The following SLC10A7 variants were observed in gnomAD, a reference collection of about 807,000 sequenced individuals.
The protein encoded by SLC10A7 is sodium/bile acid cotransporter 7.
Under a neutral mutation model 43.2 loss-of-function variants are expected in SLC10A7, and 29 were observed. The observed-to-expected ratio is 0.67, with a 90% CI of 0.50 to 0.92. The LOEUF is 0.92. Ranked by LOEUF, SLC10A7 falls within the 40% of genes least tolerant of loss-of-function variation. The pLI, the probability that SLC10A7 is intolerant of heterozygous loss-of-function variation, is 0.00. For synonymous variants in SLC10A7, 152 were observed against 144.8 expected, an observed-to-expected ratio of 1.05 and a Z score of -0.35; for missense variants, 295 against 403.2, an observed-to-expected ratio of 0.73 and a Z score of 2.30.
intron 2 of SLC10A7, among the ~76,000 whole-genome samples, chr4:146,511,432 A>G (rs1214076966): frequency 2.0e-5 from 3 of 152,252 alleles, no homozygotes; most frequent in African/African-American, 7.2e-5. Flanking sequence ...ATAGAACTGC[A>G]ATGGCCCCTT....
intron 5 of SLC10A7, among the ~76,000 whole-genome samples, chr4:146,394,616 C>A (rs573861268): frequency 1.3e-5 from 2 of 152,292 alleles, no homozygotes; most frequent in Admixed American, 1.3e-4. Context: ...TCCGCCTCGG[C>A]CTCCCAAAGT....
rs757860052 is a variant in SLC10A7 at position 146,374,060 on chromosome 4, G to T, written c.436-48064C>A. Among the ~76,000 whole-genome samples the T allele has an allele frequency of 6.6e-5, 10 of 152,208 alleles. No individual in the cohort carries two copies. The South Asian group carries it at 1.0e-3, about 16-fold the overall frequency. Reference sequence around the variant, plus strand: ...CTCCTAGGAAAATGGGCAAACTGGAGTGCTATTCATTGGCCTCAGATTGGA... The same window carrying T: ...CTCCTAGGAAAATGGGCAAACTGGATTGCTATTCATTGGCCTCAGATTGGA... On this transcript the variant is annotated intron_variant, in intron 5 of 11. Coordinates refer to ENST00000335472, the MANE Select transcript of SLC10A7 (RefSeq NM_001029998.6).
intron 6 of SLC10A7, among the ~76,000 whole-genome samples, chr4:146,306,330 C>G (rs1268580734): frequency 2.0e-5 from 3 of 152,090 alleles, no homozygotes; most frequent in African/African-American, 7.2e-5. Flanking sequence ...TCAACAATTA[C>G]AGGTTATGTG....
chr4:146,323,124 T>C (rs1162676462), intron 6 of SLC10A7, among the ~76,000 whole-genome samples: 2 of 152,238 alleles, frequency 1.3e-5, no homozygotes, highest in Admixed American at 6.5e-5. Context: ...TTGCCCCTTG[T>C]CAGATGAGTA....
chr4:146,273,489 T>G (rs962910475), intron 10 of SLC10A7, among the ~76,000 whole-genome samples: 3 of 152,108 alleles, frequency 2.0e-5, no homozygotes, highest in Non-Finnish European at 4.4e-5. Flanking sequence ...CTGACTCAAA[T>G]GAGGTTAAAA....
At chr4:146,401,292 C>T (rs1040148722) in intron 5 of SLC10A7, among the ~76,000 whole-genome samples, 1 of 152,178 alleles carries the variant, frequency 6.6e-6, no homozygotes, top group African/African-American at 2.4e-5. Context: ...TACCCACTGT[C>T]CTCCCCAAAT....
At chr4:146,344,211 A>T (rs953087953) in intron 5 of SLC10A7, among the ~76,000 whole-genome samples, 5 of 152,032 alleles carry the variant, frequency 3.3e-5, no homozygotes, top group African/African-American at 1.2e-4. Context: ...CTATGCAGAA[A>T]TCACAGTTTA....
intron 4 of SLC10A7, among the ~76,000 whole-genome samples, chr4:146,499,043 AAAAC>A (rs1736173533): frequency 6.6e-6 from 1 of 152,246 alleles, no homozygotes; most frequent in South Asian, 2.1e-4. Context: ...CAAATCATTA[AAAAC>A]AAATATGCTA....
intron 10 of SLC10A7, among the ~76,000 whole-genome samples, chr4:146,267,976 C>T (rs900726936): frequency 1.3e-5 from 2 of 152,086 alleles, no homozygotes; most frequent in African/African-American, 4.8e-5. Flanking sequence ...TAGTTTCCAA[C>T]CTCTGAAGCC....
At chr4:146,420,367 C>G (rs1310209684) in intron 5 of SLC10A7, among the ~76,000 whole-genome samples, 3 of 152,124 alleles carry the variant, frequency 2.0e-5, no homozygotes, top group Non-Finnish European at 4.4e-5. Flanking sequence ...ATTTCCTGGC[C>G]TTTTTACCAT....
At chr4:146,430,988 C>T (rs76426516) in intron 5 of SLC10A7, among the ~76,000 whole-genome samples, 3,871 of 152,130 alleles carry the variant, frequency 0.025, 76 homozygotes, top group Non-Finnish European at 0.04. Context: ...AAGTTATTCA[C>T]CTTGGTTCAT....
At position 146,256,071 on chromosome 4, in the gene SLC10A7, C is replaced by T. The variant is rs528150053; in HGVS notation, c.*420G>A. 1 of 167,918 alleles carries T rather than the reference C, an allele frequency of 6.0e-6. No individual in the cohort carries two copies. The highest frequency in any genetic ancestry group is 2.8e-3 in the Middle Eastern group (1 of 356). 10.4% of individuals were successfully genotyped at this position (167,918 alleles called of 1,614,324 possible). ...ACAGTCGTAGAAAAAAAGAATCACA[C>T]AGTAAATCAAAGTATGCATGAATAA... On this transcript the variant is annotated 3_prime_UTR_variant, in exon 12 of 12. Coordinates refer to ENST00000335472, the MANE Select transcript of SLC10A7 (RefSeq NM_001029998.6).
intron 4 of SLC10A7, among the ~76,000 whole-genome samples, chr4:146,463,868 A>G (rs1732765746): frequency 6.7e-6 from 1 of 150,258 alleles, no homozygotes; most frequent in Non-Finnish European, 1.5e-5. Flanking sequence ...CTTTTGCCCA[A>G]GCTAGAGTGC....
At chr4:146,463,525 G>C (rs1431958742) in intron 4 of SLC10A7, among the ~76,000 whole-genome samples, 1 of 152,042 alleles carries the variant, frequency 6.6e-6, no homozygotes, top group Non-Finnish European at 1.5e-5. Flanking sequence ...AGGATTTTTT[G>C]AGGCCAGAAG....
chr4:146,510,298 C>T (rs1453946178), intron 2 of SLC10A7, among the ~76,000 whole-genome samples: 2 of 147,390 alleles, frequency 1.4e-5, no homozygotes, highest in African/African-American at 5.0e-5. Flanking sequence ...TTTTGCTCGT[C>T]GCCCAGGCTG....
chr4:146,353,451 C>A (rs1408105026), intron 5 of SLC10A7, among the ~76,000 whole-genome samples: 1 of 140,128 alleles, frequency 7.1e-6, no homozygotes, highest in African/African-American at 2.8e-5. Flanking sequence ...CAAATTCTAC[C>A]AGAGGTACAA....
rs79574331 is a variant in SLC10A7 at position 146,445,930 on chromosome 4, C to T, written c.397-3109G>A. On this transcript the variant is annotated intron_variant, in intron 4 of 11. Transcript: ENST00000335472. ...GTGTGTGTGTGCACGTGCGCACGCGCGTGCACGGGAGTCCCCTGAGTCTGG... is the reference window on the plus strand; with the variant it reads ...GTGTGTGTGTGCACGTGCGCACGCGTGTGCACGGGAGTCCCCTGAGTCTGG... Among the ~76,000 whole-genome samples the T allele has an allele frequency of 9.4e-3, 1,428 of 151,760 alleles. 21 individuals carry two copies. The highest frequency in any genetic ancestry group is 0.033 in the African/African-American group (1,371 of 41,306).
intron 3 of SLC10A7, among the ~76,000 whole-genome samples, chr4:146,504,491 C>T (rs1736715762): frequency 7.2e-6 from 1 of 139,530 alleles, no homozygotes; most frequent in Admixed American, 7.6e-5. Flanking sequence ...TGCAGTCCAG[C>T]CTGGGCGAAA....
At chr4:146,493,231 A>G (rs1735609991) in intron 4 of SLC10A7, among the ~76,000 whole-genome samples, 1 of 152,182 alleles carries the variant, frequency 6.6e-6, no homozygotes, top group Non-Finnish European at 1.5e-5. Context: ...ATTAGCTAAA[A>G]GAAAAGTTAG....
Sources: gnomAD v4.1 joint callset for allele counts (sites outside exome capture counted in the v4.1 genomes callset) on GRCh38, gnomAD v4.1.1 for gene constraint, MANE v1.5 for transcripts, NCBI Gene and HGNC (gene_info 2026-07-23, HGNC 2026-07-21) for gene names.